Variants in GPM6A observed in about 807,000 individuals in gnomAD.
GPM6A encodes the protein glycoprotein M6A.
Under a neutral mutation model 32.1 loss-of-function variants are expected in GPM6A, and 7 were observed. That is an observed-to-expected ratio of 0.22 (90% CI 0.12 to 0.41). The LOEUF is 0.41. Among genes scored for constraint, GPM6A ranks in the 10% least tolerant of loss-of-function variants. GPM6A has a pLI of 1.00. For synonymous variants in GPM6A, 130 were observed against 123.4 expected, an observed-to-expected ratio of 1.05 and a Z score of -0.35; for missense variants, 235 against 347.2, an observed-to-expected ratio of 0.68 and a Z score of 2.57.
At chr4:175,734,666 G>A (rs1731586704) in intron 1 of GPM6A, among the ~76,000 whole-genome samples, 2 of 152,046 alleles carry the variant, frequency 1.3e-5, no homozygotes, top group Admixed American at 1.3e-4. Context: ...GAGGTCAGGA[G>A]ATTAAGACCA....
rs183460621 is a variant in GPM6A at position 175,869,723 on chromosome 4, C to T, written c.-22-57474G>A. On this transcript the variant is annotated intron_variant, in intron 1 of 7. Coordinates refer to the GPM6A transcript ENST00000280187. ...AGTGAGCCGAGATCATGCCACTGCA[C>T]TCCAGCCTGGGTGACAGAACAAGAC... Among the ~76,000 whole-genome samples the T allele has an allele frequency of 3.3e-5, 5 of 152,146 alleles. No homozygotes were observed. The East Asian group carries it at 9.7e-4, about 29-fold the overall frequency.
intron 4 of GPM6A, among the ~76,000 whole-genome samples, chr4:175,647,541 A>G (rs1005709204): frequency 1.1e-4 from 17 of 152,340 alleles, no homozygotes; most frequent in African/African-American, 3.8e-4. Context: ...GCATAAATTT[A>G]TTACATGCAT....
intron 1 of GPM6A, among the ~76,000 whole-genome samples, chr4:175,715,449 G>A (rs1745790112): frequency 6.6e-6 from 1 of 152,124 alleles, no homozygotes; most frequent in Admixed American, 6.5e-5. Context: ...TGCACGTACG[G>A]CACCTCAGCT....
upstream of GPM6A, chr4:175,812,299 GGGTTTTTTTTTTTTT>G: frequency 1.3e-6 from 1 of 790,964 alleles, no homozygotes; most frequent in Non-Finnish European, 1.7e-6. Context: ...GAAAAACTGG[GGGTTTTTTTTTTTTT>G]TTTTTTTTTT....
At chr4:175,790,699 T>C (rs1733977839) in intron 1 of GPM6A, among the ~76,000 whole-genome samples, 1 of 152,194 alleles carries the variant, frequency 6.6e-6, no homozygotes, top group Admixed American at 6.6e-5. Flanking sequence ...ATAGGGAAAG[T>C]TGTATATCCT....
chr4:175,774,352 C>T (rs77314747), intron 1 of GPM6A, among the ~76,000 whole-genome samples: 3,060 of 152,136 alleles, frequency 0.02, 54 homozygotes, highest in Non-Finnish European at 0.031. Flanking sequence ...TATTTAAAAA[C>T]ATTAATAAGC....
chr4:175,643,797 G>T (rs1226896883), intron 4 of GPM6A, among the ~76,000 whole-genome samples: 1 of 152,118 alleles, frequency 6.6e-6, no homozygotes, highest in Non-Finnish European at 1.5e-5. Flanking sequence ...GCAGAAGCGG[G>T]CTCAAGCCTG....
intron 1 of GPM6A, among the ~76,000 whole-genome samples, chr4:175,947,292 T>TTAGG (rs1739640385): frequency 6.6e-6 from 1 of 152,042 alleles, no homozygotes. Context: ...TTAGAAAATC[T>TTAGG]TCCTGTGATT....
chr4:175,990,423 C>A (rs976792459), intron 1 of GPM6A, among the ~76,000 whole-genome samples: 2 of 152,156 alleles, frequency 1.3e-5, no homozygotes, highest in Admixed American at 6.5e-5. Flanking sequence ...CTGTGTCTTA[C>A]AGATTTTTAA....
chr4:175,812,339 T>TTTTA, upstream of GPM6A: 11 of 1,304,886 alleles, frequency 8.4e-6, no homozygotes, highest in African/African-American at 1.6e-5. Context: ...TTTTTTTTTT[T>TTTTA]TCCTGGGAAG....
At chr4:175,944,782 G>A (rs1739533761) in intron 1 of GPM6A, among the ~76,000 whole-genome samples, 1 of 152,160 alleles carries the variant, frequency 6.6e-6, no homozygotes. Context: ...GACAAATTCA[G>A]ATTAGCAGGC....
chr4:175,927,269 G>A (rs1477671475), intron 1 of GPM6A, among the ~76,000 whole-genome samples: 1 of 152,234 alleles, frequency 6.6e-6, no homozygotes, highest in Admixed American at 6.5e-5. Context: ...ATTTCTGAAA[G>A]CACTGAACTA....
At chr4:175,859,798 C>T (rs1309579561) in intron 1 of GPM6A, among the ~76,000 whole-genome samples, 1 of 151,904 alleles carries the variant, frequency 6.6e-6, no homozygotes, top group East Asian at 1.9e-4. Flanking sequence ...AACTAGATGC[C>T]CCCAAAACAA....
chr4:175,811,555 TA>T (rs568022651), intron 1 of GPM6A, among the ~76,000 whole-genome samples: 4 of 152,038 alleles, frequency 2.6e-5, no homozygotes, highest in South Asian at 4.1e-4. Flanking sequence ...TAAAAACACA[TA>T]AAAAAATTTC....
At chr4:175,646,741 C>T (rs1741484466) in intron 4 of GPM6A, among the ~76,000 whole-genome samples, 1 of 152,198 alleles carries the variant, frequency 6.6e-6, no homozygotes, top group Admixed American at 6.5e-5. Context: ...ATCTGAGTTC[C>T]TCCCTCAGGA....
intron 1 of GPM6A, chr4:175,962,334 C>A: frequency 1.1e-6 from 1 of 877,102 alleles, no homozygotes; most frequent in East Asian, 2.5e-5. Flanking sequence ...CACTCCTGAA[C>A]ATCAGCTTCT....
At chr4:175,960,481 T>G (rs1740129862) in intron 1 of GPM6A, among the ~76,000 whole-genome samples, 1 of 152,202 alleles carries the variant, frequency 6.6e-6, no homozygotes, top group African/African-American at 2.4e-5. Context: ...ATGTGCAGGT[T>G]TGTTACATAG....
At position 175,943,596 on chromosome 4, in the gene GPM6A, T is replaced by C. The variant is rs150372362; in HGVS notation, c.-23+58713A>G. Among the ~76,000 whole-genome samples the C allele has an allele frequency of 6.9e-3, 1,044 of 152,260 alleles. 3 individuals are homozygous for C. Among genetic ancestry groups the C allele is most frequent in the Middle Eastern group, 0.031 (9 of 294 alleles). ...TCAAAGATTTTAGCATGAAGAGATG[T>C]TGAATTTTATCGAAGGCCTTTTCTG... On this transcript the variant is annotated intron_variant, in intron 1 of 7. Coordinates refer to the GPM6A transcript ENST00000280187.
chr4:175,921,707 A>C (rs759648408), intron 1 of GPM6A, among the ~76,000 whole-genome samples: 1 of 152,230 alleles, frequency 6.6e-6, no homozygotes, highest in Non-Finnish European at 1.5e-5. Flanking sequence ...TTTACACCAC[A>C]GAAAGTATTC....
Sources: gnomAD v4.1 joint callset for allele counts (sites outside exome capture counted in the v4.1 genomes callset) on GRCh38, gnomAD v4.1.1 for gene constraint, MANE v1.5 for transcripts, NCBI Gene and HGNC (gene_info 2026-07-23, HGNC 2026-07-21) for gene names.